The following CDHR3 variants were observed in gnomAD, a reference collection of about 807,000 sequenced individuals.
CDHR3 encodes cadherin related family member 3, also known as cadherin-related family member 3.
Under a neutral mutation model 86.6 loss-of-function variants are expected in CDHR3, and 79 were observed. The observed-to-expected ratio is 0.91, with a 90% CI of 0.76 to 1.10. CDHR3 has a LOEUF of 1.10. Ranked by LOEUF, CDHR3 falls within the 50% of genes least tolerant of loss-of-function variation. CDHR3 has a pLI of 0.00. For synonymous variants in CDHR3, 421 were observed against 402.4 expected (o/e 1.05, Z -0.55); for missense variants, 1,081 against 1,077.6 (o/e 1.00, Z -0.04).
rs754665371 is a variant in CDHR3 at position 105,975,062 on chromosome 7, C to A, written c.249+16C>A. 7 of 1,596,542 alleles carry A rather than the reference C, an allele frequency of 4.4e-6. No individual in the cohort carries two copies. The highest frequency in any genetic ancestry group is 2.2e-5 in the East Asian group (1 of 44,790). On this transcript the variant is annotated intron_variant, in intron 2 of 18. Transcript: ENST00000317716. Reference sequence around the variant, plus strand: ...CTACTTTGAGGTAAGTAACAACTTACCAACATGAGTGTTGCCTGCAAAGAG... The same window carrying A: ...CTACTTTGAGGTAAGTAACAACTTAACAACATGAGTGTTGCCTGCAAAGAG...
At chr7:106,029,548 G>GTCTCTCTCTCTCTCTCTCTC (rs59823993) in intron 17 of CDHR3, among the ~76,000 whole-genome samples, 10 of 147,076 alleles carry the variant, frequency 6.8e-5, no homozygotes, top group African/African-American at 2.3e-4. Context: ...CTCCACCTCT[G>GTCTCTCTCTCTCTCTCTCTC]TCTCTCTCTC....
At chr7:105,992,356 C>T (rs943055723) in intron 4 of CDHR3, among the ~76,000 whole-genome samples, 4 of 152,188 alleles carry the variant, frequency 2.6e-5, no homozygotes, top group Non-Finnish European at 5.9e-5. Context: ...TATGGATATG[C>T]GAGGATTCTC....
chr7:106,019,177 CA>C (rs1178168196), intron 12 of CDHR3, among the ~76,000 whole-genome samples: 4 of 152,148 alleles, frequency 2.6e-5, no homozygotes, highest in African/African-American at 4.8e-5. Context: ...ACTTTGATCC[CA>C]ATTTTCCGAG....
chr7:105,986,153 C>T (rs1476186983), intron 4 of CDHR3, among the ~76,000 whole-genome samples: 1 of 152,150 alleles, frequency 6.6e-6, no homozygotes, highest in Non-Finnish European at 1.5e-5. Flanking sequence ...ATCAGGAAAA[C>T]AAAAACTCTC....
At chr7:106,029,543 C>CCTCTCT (rs200247045) in intron 17 of CDHR3, among the ~76,000 whole-genome samples, 15 of 96,616 alleles carry the variant, frequency 1.6e-4, no homozygotes, top group South Asian at 6.4e-4. Flanking sequence ...CTCTCCTCCA[C>CCTCTCT]CTCTGTCTCT....
Position 106,024,881 on chromosome 7 carries a change from T to C in CDHR3, c.2258+319T>C, listed in dbSNP as rs147130282. Among the ~76,000 whole-genome samples the C allele has an allele frequency of 7.5e-4, 114 of 152,344 alleles. 2 individuals are homozygous for C. The East Asian group carries it at 0.02, about 27-fold the overall frequency. On this transcript the variant is annotated intron_variant, in intron 15 of 18. Transcript: ENST00000317716. ...GGATAAAATCTTCAGCAAAGCCCTG[T>C]TGTAAATAGCGATAGAATATGCCGT...
At chr7:105,984,850 G>A (rs548684466) in intron 4 of CDHR3, among the ~76,000 whole-genome samples, 1 of 152,064 alleles carries the variant, frequency 6.6e-6, no homozygotes, top group African/African-American at 2.4e-5. Context: ...CTTGAACCCA[G>A]GAGTTTGAGA....
intron 1 of CDHR3, among the ~76,000 whole-genome samples, chr7:105,969,163 G>A (rs1457616667): frequency 3.3e-5 from 5 of 151,200 alleles, no homozygotes; most frequent in African/African-American, 7.3e-5. Flanking sequence ...TTGGGAGGCC[G>A]AGGCGGGCGG....
Position 106,004,702 on chromosome 7 carries a change from A to G in CDHR3, c.1052+15A>G. 1 of 1,613,718 alleles carries G rather than the reference A, an allele frequency of 6.2e-7. No homozygotes were observed. Among genetic ancestry groups the G allele is most frequent in the Non-Finnish European group, 8.5e-7 (1 of 1,179,734 alleles). ...TTCACCTTCAGGTATGCACACTTTG[A>G]AAGTTGGGCTGGACATTCTATCTCT... On this transcript the variant is annotated intron_variant, in intron 8 of 18. Transcript: ENST00000317716.
Position 106,032,733 on chromosome 7 carries a change from T to C in CDHR3, c.*36T>C. The C allele has an allele frequency of 6.4e-7, 1 of 1,567,778 alleles. No homozygotes were observed. Among genetic ancestry groups the C allele is most frequent in the African/African-American group, 1.4e-5 (1 of 74,050 alleles). On this transcript the variant is annotated 3_prime_UTR_variant, in exon 19 of 19. Coordinates refer to ENST00000317716, the MANE Select transcript of CDHR3 (RefSeq NM_152750.5). ...AGGAGGGGCCTGTCAATCACTGAGA[T>C]GCTGCCTCACCCTAAATTCTATGGG...
chr7:106,015,696 T>C (rs1205548098), intron 10 of CDHR3, among the ~76,000 whole-genome samples: 1 of 152,180 alleles, frequency 6.6e-6, no homozygotes, highest in Non-Finnish European at 1.5e-5. Context: ...GCTCAGCTTG[T>C]TCATTCTCCT....
At chr7:106,019,279 T>C (rs955059059) in intron 12 of CDHR3, among the ~76,000 whole-genome samples, 2 of 152,210 alleles carry the variant, frequency 1.3e-5, no homozygotes, top group African/African-American at 4.8e-5. Context: ...AATAGTCCGC[T>C]TCCTCCGATA....
Position 106,016,027 on chromosome 7 carries a change from T to C in CDHR3, c.1426+2T>C. The C allele has an allele frequency of 3.8e-6, 6 of 1,594,540 alleles. No homozygotes were observed. Among genetic ancestry groups the C allele is most frequent in the South Asian group, 1.1e-5 (1 of 89,394 alleles). On this transcript the variant is annotated splice_donor_variant, in intron 11 of 18. Transcript: ENST00000317716. LOFTEE classifies it high-confidence loss of function. ...TTGATGTGTCAGAAAGAAGGCCCGG[T>C]AAGTAACAGATAAGACACAGACCAG...
rs755532021 is a variant in CDHR3, at chr7:106,001,610, T to TGTAA, written c.862+2_862+5dup. On this transcript the variant is annotated frameshift_variant and splice_region_variant. Coordinates refer to ENST00000317716, the MANE Select transcript of CDHR3 (RefSeq NM_152750.5). LOFTEE classifies it high-confidence loss of function. Reference sequence around the variant, plus strand: ...TAGCAAATATTTCATGATAAATCAGTGTAAGCCACTCACTTCCATCCTTAA... The same window carrying TGTAA: ...TAGCAAATATTTCATGATAAATCAGTGTAAGTAAGCCACTCACTTCCATCCTTAA... 1.1e-5 allele frequency: 17 copies of TGTAA among 1,613,920 alleles called. 1 individual carries two copies. In the African/African-American group the frequency reaches 1.6e-4, roughly 15 times the overall value.
At chr7:105,978,171 C>T (rs148458701) in intron 2 of CDHR3, among the ~76,000 whole-genome samples, 12 of 152,272 alleles carry the variant, frequency 7.9e-5, no homozygotes, top group East Asian at 1.9e-4. Flanking sequence ...CCTCATGCTG[C>T]GCTGGTTTGC....
chr7:106,004,728 T>C lies in CDHR3; in HGVS notation c.1052+41T>C, dbSNP rs111659661. 1.7e-5 allele frequency: 27 copies of C among 1,594,516 alleles called. No homozygotes were observed. The African/African-American group carries it at 1.7e-4, about 10-fold the overall frequency. On this transcript the variant is annotated intron_variant, in intron 8 of 18. Coordinates refer to ENST00000317716, the MANE Select transcript of CDHR3 (RefSeq NM_152750.5). ...AAGTTGGGCTGGACATTCTATCTCTTTGGTGGCCCTCTGCCCTTCTGCTTC... is the reference window on the plus strand; with the variant it reads ...AAGTTGGGCTGGACATTCTATCTCTCTGGTGGCCCTCTGCCCTTCTGCTTC...
In CDHR3 at chr7:105,994,646, C is replaced by T. The variant is rs955391471; in HGVS notation, c.514-105C>T. 5.6e-5 allele frequency: 45 copies of T among 797,800 alleles called. 1 individual carries two copies. The highest frequency in any genetic ancestry group is 2.4e-4 in the South Asian group (16 of 66,522). The allele number at this position is 797,800 out of a possible 1,614,324, so 49.4% of individuals were successfully genotyped here. A position where few individuals can be genotyped will look rare whatever the true frequency, so the allele number is the denominator to read the frequency against. On this transcript the variant is annotated intron_variant, in intron 4 of 18. Transcript: ENST00000317716. Reference sequence around the variant, plus strand: ...GAACCGCATCCTGATGCATCGAGAACGTTCCATGGGCTAAGAACATAAAAT... The same window carrying T: ...GAACCGCATCCTGATGCATCGAGAATGTTCCATGGGCTAAGAACATAAAAT...
intron 1 of CDHR3, among the ~76,000 whole-genome samples, chr7:105,969,013 G>C (rs976841776): frequency 2.7e-5 from 4 of 149,502 alleles, no homozygotes; most frequent in Non-Finnish European, 5.9e-5. Context: ...GCATGTACCC[G>C]GGAGGCGGAG....
At chr7:106,020,140 C>T (rs915085230) in intron 12 of CDHR3, among the ~76,000 whole-genome samples, 9 of 152,110 alleles carry the variant, frequency 5.9e-5, no homozygotes, top group African/African-American at 2.2e-4. Context: ...GTAGGACAGA[C>T]CTGAATTCAA....
Sources: allele counts gnomAD v4.1 joint callset (sites outside exome capture counted in the v4.1 genomes callset), GRCh38; gene constraint gnomAD v4.1.1; transcripts MANE v1.5; gene names NCBI Gene and HGNC (gene_info 2026-07-23, HGNC 2026-07-21).